RSPH4A: variants seen among roughly 807,000 people sequenced by gnomAD.
The protein encoded by RSPH4A is radial spoke head component 4A.
RSPH4A carries 47 observed loss-of-function variants against 71.0 expected under a neutral mutation model. The ratio of observed to expected loss-of-function variants is 0.66; its 90% confidence interval spans 0.52 to 0.84. The LOEUF is 0.84. Among genes scored for constraint, RSPH4A ranks in the 40% least tolerant of loss-of-function variants. The probability of loss-of-function intolerance (pLI) is 0.00; values close to 1 mark genes in which losing one functional copy is unlikely to be tolerated. For synonymous variants in RSPH4A, 282 were observed against 302.3 expected, an observed-to-expected ratio of 0.93 and a Z score of 0.70; for missense variants, 793 against 855.2, an observed-to-expected ratio of 0.93 and a Z score of 0.91.
chr6:116,622,962 G>A lies in RSPH4A; in HGVS notation c.881G>A (p.Gly294Glu), dbSNP rs1461608875. ...AAGCAAAAGGCTCTTTTTCTCCAGG[G>A]ACATTTGGAAGGAGTTGACCAAGAA... ...AEKQKALFLQ[G>E]HLEGVDQELE... is the part of the protein sequence containing the mutation. The change falls in exon 2 of 6, where the codon GGA (glycine) becomes GAA (glutamate). Residue 294 changes from glycine to glutamate, a missense_variant. Coordinates refer to ENST00000229554, the MANE Select transcript of RSPH4A (RefSeq NM_001010892.3). The A allele has an allele frequency of 2.5e-6, 4 of 1,613,432 alleles. No individual in the cohort carries two copies. The highest frequency in any genetic ancestry group is 3.4e-6 in the Non-Finnish European group (4 of 1,179,496).
Position 116,629,609 on chromosome 6 carries a change from GA to G in RSPH4A, c.1707del (p.Glu570LysfsTer14), listed in dbSNP as rs902750903. The G allele has an allele frequency of 3.7e-6, 6 of 1,612,212 alleles. No individual in the cohort carries two copies. On this transcript the variant is annotated frameshift_variant, in exon 4 of 6. Transcript: ENST00000229554. LOFTEE classifies it high-confidence loss of function. ...WFNSIQKNEE[E>X]EEEEDEEKDD... The stretch of plus-strand genomic sequence containing the variant: ...CAACTCCATACAAAAAAATGAGGAA[GA>G]AGAAGAGGAAGAAGATGAAGAAAAA...
In RSPH4A at chr6:116,632,328, G is replaced by T. The variant is rs1289146333; in HGVS notation, c.2038G>T (p.Asp680Tyr). 6.2e-7 allele frequency: 1 copy of T among 1,613,994 alleles called. No individual in the cohort carries two copies. The stretch of plus-strand genomic sequence containing the variant: ...TGGACCAGAAATTACAGAAATGGAT[G>T]ATCCTAGTGTGGAGGAGGAGCAGGC... Reference protein sequence around the residue: ...PSGPEITEMDDPSVEEEQAFR... With the variant: ...PSGPEITEMDYPSVEEEQAFR... Residue 680 changes from aspartate (D) to tyrosine (Y), a missense_variant, in exon 6 of 6, where the codon GAT becomes TAT. Physicochemically the swap from Asp to Tyr is radical, Grantham distance 160. Coordinates refer to ENST00000229554, the MANE Select transcript of RSPH4A (RefSeq NM_001010892.3).
intron 2 of RSPH4A, among the ~76,000 whole-genome samples, chr6:116,626,195 T>C (rs1049786833): frequency 2.0e-5 from 3 of 152,200 alleles, no homozygotes; most frequent in African/African-American, 2.4e-5. Flanking sequence ...AAAGTCGTTA[T>C]ACTTATTTTG....
chr6:116,622,586 G>C (rs916594501), intron 1 of RSPH4A, among the ~76,000 whole-genome samples, 182 bp from the exon 2 acceptor site: 2 of 152,102 alleles, frequency 1.3e-5, no homozygotes, highest in African/African-American at 4.8e-5. Context: ...AACAAACTGA[G>C]TCTGCAAATA....
At chr6:116,624,074 A>G (rs573190055) in intron 2 of RSPH4A, among the ~76,000 whole-genome samples, 32 of 152,330 alleles carry the variant, frequency 2.1e-4, no homozygotes, top group African/African-American at 7.7e-4. Context: ...AGATGTGTCT[A>G]TATGCTTTCA....
intron 1 of RSPH4A, among the ~76,000 whole-genome samples, chr6:116,621,540 T>C (rs1775608716): frequency 6.6e-6 from 1 of 152,128 alleles, no homozygotes; most frequent in Non-Finnish European, 1.5e-5. Context: ...GAATAGGAAA[T>C]ATATATGTAT....
chr6:116,626,604 G>A (rs972740641), intron 2 of RSPH4A, among the ~76,000 whole-genome samples: 8 of 152,164 alleles, frequency 5.3e-5, no homozygotes, highest in African/African-American at 1.9e-4. Context: ...GCCTCCCAAA[G>A]TGCTGGGATT....
At chr6:116,630,653 GTTTTTTTTTTCGTGTTTTTTTTT>G (rs1452681405) in intron 5 of RSPH4A, 101 bp downstream of exon 5, 4 of 389,574 alleles carry the variant, frequency 1.0e-5, no homozygotes, top group African/African-American at 5.5e-5. Flanking sequence ...TGTTTCTTTG[GTTTTTTTTTTCGTGTTTTTTTTT>G]TTTTTTTTTT....
In RSPH4A at chr6:116,616,855, GA is replaced by G; in HGVS notation, c.235del (p.Thr79HisfsTer38). Reference protein sequence around the residue: ...KTPLGGPAGPETSSPAPVSPR... With the variant: ...KTPLGGPAGPXTSSPAPVSPR... ...GCCTCTGGGTGGCCCCGCGGGACCA[GA>G]AACATCATCACCTGCTCCTGTCTCT... On this transcript the variant is annotated frameshift_variant, in exon 1 of 6. Transcript: ENST00000229554. LOFTEE classifies it high-confidence loss of function. The G allele has an allele frequency of 1.9e-6, 3 of 1,614,122 alleles. No individual in the cohort carries two copies. Among genetic ancestry groups the G allele is most frequent in the Non-Finnish European group, 2.5e-6 (3 of 1,179,992 alleles).
intron 1 of RSPH4A, among the ~76,000 whole-genome samples, chr6:116,621,219 C>G (rs571582636): frequency 2.0e-4 from 31 of 152,014 alleles, no homozygotes; most frequent in Non-Finnish European, 3.8e-4. Context: ...AAAGAAACTC[C>G]TAGTCAAAAC....
intron 2 of RSPH4A, among the ~76,000 whole-genome samples, chr6:116,625,566 T>C (rs1311641879): frequency 9.7e-6 from 1 of 102,896 alleles, no homozygotes; most frequent in African/African-American, 4.0e-5. Context: ...AAAAGAAAGG[T>C]AGAATGGGGC....
Position 116,632,203 on chromosome 6 carries a change from A to G in RSPH4A, c.1917-4A>G, listed in dbSNP as rs201826366. On this transcript the variant is annotated splice_polypyrimidine_tract_variant and splice_region_variant and intron_variant, in intron 5 of 5. Transcript: ENST00000229554. ...TTTTTTCTTCTTCTTTTTCTTACTT[A>G]TAGAAAGTTTGAAAATTTCTACATA... The G allele has an allele frequency of 2.0e-3, 3,244 of 1,597,418 alleles. 8 individuals are homozygous for G. Among genetic ancestry groups the G allele is most frequent in the Non-Finnish European group, 2.5e-3 (2,888 of 1,169,322 alleles).
intron 2 of RSPH4A, among the ~76,000 whole-genome samples, chr6:116,626,715 T>C (rs9488990): frequency 0.02 from 3,057 of 151,228 alleles, 96 homozygotes; most frequent in African/African-American, 0.07. Context: ...TGGAATTTTT[T>C]AATTTTTCTC....
chr6:116,625,912 T>C (rs1456149177), intron 2 of RSPH4A, among the ~76,000 whole-genome samples: 2 of 152,136 alleles, frequency 1.3e-5, no homozygotes, highest in Non-Finnish European at 2.9e-5. Flanking sequence ...GTGTAGAATA[T>C]GGGAGAAAAG....
chr6:116,626,544 TG>T (rs1775697599), intron 2 of RSPH4A, among the ~76,000 whole-genome samples: 1 of 152,060 alleles, frequency 6.6e-6, no homozygotes, highest in South Asian at 2.1e-4. Context: ...GGTTTCACCA[TG>T]TTAGCCAGGA....
rs1454319321 is a variant in RSPH4A, at chr6:116,627,778, A to G, written c.1071A>G (p.Gly357=). The G allele has an allele frequency of 6.2e-7, 1 of 1,614,060 alleles. No individual in the cohort carries two copies. Among genetic ancestry groups the G allele is most frequent in the Non-Finnish European group, 8.5e-7 (1 of 1,179,970 alleles). Residue 357 remains glycine (G), a synonymous_variant, in exon 3 of 6, where the codon GGA becomes GGG. Transcript: ENST00000229554. ...CAATCCAAAGATGCCGCTTCTGGGG[A>G]AAGATCTTGGGTCTGGAAATGAATT... ...THPIQRCRFW[G]KILGLEMNYI...
Position 116,622,934 on chromosome 6 carries a change from GAAAAGC to G in RSPH4A, c.859_864del (p.Gln287_Lys288del). On this transcript the variant is annotated inframe_deletion, in exon 2 of 6. Coordinates refer to ENST00000229554, the MANE Select transcript of RSPH4A (RefSeq NM_001010892.3). ...GTTGCTTCCAACATATGAAATAGCA[GAAAAGC>G]AAAAGGCTCTTTTTCTCCAGGGACA... 1 of 1,613,942 alleles carries G rather than the reference GAAAAGC, an allele frequency of 6.2e-7. No individual in the cohort carries two copies. Among genetic ancestry groups the G allele is most frequent in the Non-Finnish European group, 8.5e-7 (1 of 1,179,912 alleles).
At chr6:116,632,049 G>T (rs1051852231) in intron 5 of RSPH4A, among the ~76,000 whole-genome samples, 158 bp from the exon 6 acceptor site, 3 of 151,920 alleles carry the variant, frequency 2.0e-5, no homozygotes, top group Non-Finnish European at 4.4e-5. Context: ...TGTGGTAGAA[G>T]AATCATTGAG....
At position 116,630,295 on chromosome 6, in the gene RSPH4A, GT is replaced by G. The variant is rs1775772033; in HGVS notation, c.1799-134del. ...CTCCTGATTTTGTTAAGTTGCTGCTGTTTTTTCTTTCTGTATCAAGTATGTG... is the reference window on the plus strand; with the variant it reads ...CTCCTGATTTTGTTAAGTTGCTGCTGTTTTTCTTTCTGTATCAAGTATGTG... On this transcript the variant is annotated intron_variant, in intron 4 of 5. Coordinates refer to ENST00000229554, the MANE Select transcript of RSPH4A (RefSeq NM_001010892.3). 4 of 725,066 alleles carry G rather than the reference GT, an allele frequency of 5.5e-6. No individual in the cohort carries two copies. The Admixed American group carries it at 7.4e-5, about 13-fold the overall frequency. The allele number at this position is 725,066 out of a possible 1,614,324, so 44.9% of individuals were successfully genotyped here. A position where few individuals can be genotyped will look rare whatever the true frequency, so the allele number is the denominator to read the frequency against.
Sources: allele counts gnomAD v4.1 joint callset (sites outside exome capture counted in the v4.1 genomes callset), GRCh38; gene constraint gnomAD v4.1.1; transcripts MANE v1.5; gene names NCBI Gene and HGNC (gene_info 2026-07-23, HGNC 2026-07-21).